The following NRXN1 variants were observed in gnomAD, a reference collection of about 807,000 sequenced individuals.
The protein encoded by NRXN1 is neurexin 1.
In NRXN1, 39 loss-of-function variants were observed where a neutral mutation model predicts 150.9. That is an observed-to-expected ratio of 0.26 (90% CI 0.20 to 0.34). The LOEUF is 0.34. NRXN1 is among the 10% of genes least tolerant of loss of function. The probability of loss-of-function intolerance (pLI) is 1.00; values close to 1 mark genes in which losing one functional copy is unlikely to be tolerated. For synonymous variants in NRXN1, 924 were observed against 757.0 expected (o/e 1.22, Z -3.62); for missense variants, 1,815 against 1,949.9 (o/e 0.93, Z 1.30).
intron 12 of NRXN1, among the ~76,000 whole-genome samples, chr2:50,515,558 T>C (rs1231011287): frequency 6.6e-6 from 1 of 151,800 alleles, no homozygotes; most frequent in East Asian, 1.9e-4. Context: ...GTTCCTTTCC[T>C]TTTCTGCAAA....
intron 17 of NRXN1, among the ~76,000 whole-genome samples, chr2:50,430,605 G>A (rs1301318548): frequency 6.6e-6 from 1 of 152,116 alleles, no homozygotes; most frequent in East Asian, 1.9e-4. Context: ...CCCTGTACCA[G>A]GCCCCAAATT....
At chr2:50,345,788 C>G (rs528639447) in intron 17 of NRXN1, among the ~76,000 whole-genome samples, 1 of 152,314 alleles carries the variant, frequency 6.6e-6, no homozygotes, top group African/African-American at 2.4e-5. Flanking sequence ...GCTCTAACTT[C>G]TTCTCCAGGC....
intron 5 of NRXN1, among the ~76,000 whole-genome samples, chr2:50,770,350 T>C (rs1327014392): frequency 2.0e-5 from 3 of 151,684 alleles, no homozygotes; most frequent in South Asian, 2.1e-4. Flanking sequence ...ATATGATAGA[T>C]GATAGATAGA....
chr2:50,785,019 AAT>A (rs1277622719), intron 5 of NRXN1, among the ~76,000 whole-genome samples: 2 of 152,036 alleles, frequency 1.3e-5, no homozygotes, highest in African/African-American at 4.8e-5. Context: ...ATTAGAGTTA[AAT>A]GAGGTTATAA....
intron 18 of NRXN1, among the ~76,000 whole-genome samples, chr2:50,091,950 G>C (rs952209075): frequency 3.3e-5 from 5 of 152,100 alleles, no homozygotes; most frequent in East Asian, 3.9e-4. Flanking sequence ...CATTCTAAAG[G>C]GTATGGGGCA....
intron 17 of NRXN1, among the ~76,000 whole-genome samples, chr2:50,325,321 G>A (rs2076315790): frequency 6.6e-6 from 1 of 152,150 alleles, no homozygotes. Context: ...CCATTCCTAT[G>A]GATTGGTGGT....
chr2:49,923,858 G>T (rs1314222217), intron 22 of NRXN1, among the ~76,000 whole-genome samples: 5 of 152,174 alleles, frequency 3.3e-5, no homozygotes, highest in African/African-American at 1.2e-4. Flanking sequence ...AATGTAGCAG[G>T]TAAAACTTTT....
intron 17 of NRXN1, among the ~76,000 whole-genome samples, chr2:50,265,724 G>T (rs546158778): frequency 5.3e-4 from 81 of 152,142 alleles, no homozygotes; most frequent in Non-Finnish European, 1.0e-3. Context: ...TTGGACACAA[G>T]ACCAGAAAAA....
intron 19 of NRXN1, among the ~76,000 whole-genome samples, chr2:50,063,520 T>C (rs1441198885): frequency 1.4e-5 from 2 of 147,722 alleles, no homozygotes; most frequent in African/African-American, 2.6e-5. Context: ...CATCCCTGTG[T>C]ACTCAACATC....
intron 5 of NRXN1, among the ~76,000 whole-genome samples, chr2:50,872,945 G>A (rs1257058744): frequency 1.3e-5 from 2 of 151,788 alleles, no homozygotes; most frequent in Non-Finnish European, 2.9e-5. Flanking sequence ...AGGCTGCAGT[G>A]AGCTATGATT....
chr2:50,289,868 C>T (rs1417846343), intron 17 of NRXN1, among the ~76,000 whole-genome samples: 1 of 152,246 alleles, frequency 6.6e-6, no homozygotes, highest in Middle Eastern at 3.4e-3. Context: ...TAACCTTTAG[C>T]AAATTCATTA....
intron 18 of NRXN1, among the ~76,000 whole-genome samples, chr2:50,226,295 T>C (rs1385084269): frequency 2.6e-5 from 4 of 152,136 alleles, no homozygotes; most frequent in South Asian, 2.1e-4. Flanking sequence ...TGCTTCATAG[T>C]TTAAAAACTT....
At chr2:50,073,992 C>A (rs946848553) in intron 19 of NRXN1, among the ~76,000 whole-genome samples, 2 of 151,902 alleles carry the variant, frequency 1.3e-5, no homozygotes, top group Admixed American at 6.6e-5. Context: ...TTTTTTAAGG[C>A]CTGGAAAGTA....
intron 8 of NRXN1, among the ~76,000 whole-genome samples, chr2:50,559,178 C>T (rs953767732): frequency 6.6e-6 from 1 of 152,298 alleles, no homozygotes; most frequent in Non-Finnish European, 1.5e-5. Context: ...TATCTTTCTA[C>T]GCACCATCTC....
chr2:50,827,299 A>G (rs1192379323), intron 5 of NRXN1, among the ~76,000 whole-genome samples: 5 of 152,254 alleles, frequency 3.3e-5, no homozygotes, highest in African/African-American at 1.2e-4. Context: ...CATGAATATC[A>G]CAATATAGAA....
intron 5 of NRXN1, among the ~76,000 whole-genome samples, chr2:50,666,375 T>C (rs1688021733): frequency 6.6e-6 from 1 of 151,988 alleles, no homozygotes; most frequent in Non-Finnish European, 1.5e-5. Context: ...TGAATTTTTC[T>C]TTCATTTCTC....
At position 50,599,841 on chromosome 2, in the gene NRXN1, G is replaced by A. The variant is rs114447774; in HGVS notation, c.1320+20181C>T. Among the ~76,000 whole-genome samples the A allele has an allele frequency of 5.3e-3, 813 of 152,210 alleles. 7 individuals are homozygous for A. Among genetic ancestry groups the A allele is most frequent in the African/African-American group, 0.019 (793 of 41,544 alleles). ...TAGAAATTTAATGCATTTTTACAAG[G>A]TACAAAGGGTGAATAATTGTTTTGT... is the stretch of plus-strand genomic sequence containing the variant. On this transcript the variant is annotated intron_variant, in intron 8 of 22. Transcript: ENST00000401669.
chr2:50,222,729 T>C (rs964145895), intron 18 of NRXN1, among the ~76,000 whole-genome samples: 1 of 151,960 alleles, frequency 6.6e-6, no homozygotes, highest in Middle Eastern at 3.4e-3. Context: ...GTACAAAATA[T>C]ATTAAATAAA....
At chr2:50,706,772 A>G (rs570767866) in intron 5 of NRXN1, among the ~76,000 whole-genome samples, 48 of 152,254 alleles carry the variant, frequency 3.2e-4, no homozygotes, top group Admixed American at 1.8e-3. Flanking sequence ...TGATAGCAGA[A>G]GGCAACCAAT....
Sources: allele counts gnomAD v4.1 joint callset (sites outside exome capture counted in the v4.1 genomes callset), GRCh38; gene constraint gnomAD v4.1.1; transcripts MANE v1.5; gene names NCBI Gene and HGNC (gene_info 2026-07-23, HGNC 2026-07-21).